The following WDR7 variants were observed in gnomAD, a reference collection of about 807,000 sequenced individuals.
The protein encoded by WDR7 is WD repeat-containing protein 7.
A neutral mutation model predicts 169.4 loss-of-function variants in WDR7; 46 were observed. That is an observed-to-expected ratio of 0.27 (90% confidence interval 0.21 to 0.35). The LOEUF is 0.35. Ranked by LOEUF, WDR7 falls within the 10% of genes least tolerant of loss-of-function variation. The pLI is 1.00. For missense variants in WDR7, 1,534 were observed against 1,859.3 expected (o/e 0.83, Z 3.22); for synonymous variants, 612 against 666.8 (o/e 0.92, Z 1.27).
At chr18:56,816,527 A>G (rs1568211921) in intron 20 of WDR7, among the ~76,000 whole-genome samples, 1 of 152,156 alleles carries the variant, frequency 6.6e-6, no homozygotes, top group Non-Finnish European at 1.5e-5. Flanking sequence ...TAATCACAAT[A>G]TATACAATAT....
intron 25 of WDR7, among the ~76,000 whole-genome samples, chr18:56,956,575 G>T (rs2047253567): frequency 6.6e-6 from 1 of 152,070 alleles, no homozygotes; most frequent in Admixed American, 6.6e-5. Context: ...GAGGTAGTTG[G>T]TTGTCACTGG....
intron 19 of WDR7, among the ~76,000 whole-genome samples, chr18:56,815,562 A>G (rs1465360822): frequency 6.6e-6 from 1 of 152,090 alleles, no homozygotes; most frequent in Non-Finnish European, 1.5e-5. Flanking sequence ...TTTTTTGGGT[A>G]GTGTGTTTCA....
intron 26 of WDR7, among the ~76,000 whole-genome samples, 179 bp downstream of exon 26, chr18:56,962,708 G>A (rs2047354793): frequency 6.6e-6 from 1 of 152,090 alleles, no homozygotes; most frequent in Non-Finnish European, 1.5e-5. Flanking sequence ...TCATTCACTG[G>A]GACTGAAGGG....
intron 23 of WDR7, 88 bp from the exon 24 acceptor site, chr18:56,938,445 A>T: frequency 6.8e-7 from 1 of 1,472,274 alleles, no homozygotes; most frequent in Non-Finnish European, 9.1e-7. Flanking sequence ...TTTTTTCTAT[A>T]GTATTAGAAA....
chr18:56,868,369 A>G (rs2045910289), intron 20 of WDR7, among the ~76,000 whole-genome samples: 1 of 152,178 alleles, frequency 6.6e-6, no homozygotes, highest in Non-Finnish European at 1.5e-5. Context: ...TCTCAGTTTT[A>G]TATCACTGAG....
intron 14 of WDR7, among the ~76,000 whole-genome samples, chr18:56,732,188 C>A (rs1301981981): frequency 1.3e-5 from 2 of 152,090 alleles, no homozygotes; most frequent in Admixed American, 6.6e-5. Flanking sequence ...ATTAAAAAAA[C>A]CAATCCCAAT....
intron 25 of WDR7, among the ~76,000 whole-genome samples, chr18:56,951,963 A>G (rs1446105235): frequency 6.6e-6 from 1 of 152,248 alleles, no homozygotes; most frequent in Non-Finnish European, 1.5e-5. Context: ...AACCCATTAT[A>G]TGTTAACATA....
chr18:56,937,177 C>T (rs961368894), intron 23 of WDR7, among the ~76,000 whole-genome samples: 1 of 151,968 alleles, frequency 6.6e-6, no homozygotes, highest in Admixed American at 6.6e-5. Context: ...CATTCTACTC[C>T]AGCTTTTGGC....
intron 26 of WDR7, among the ~76,000 whole-genome samples, chr18:56,995,552 A>G (rs1203921731): frequency 6.6e-6 from 1 of 152,198 alleles, no homozygotes; most frequent in Non-Finnish European, 1.5e-5. Context: ...CATGTTCATA[A>G]TCGCCTATTT....
At chr18:56,670,417 A>G (rs911766031) in intron 1 of WDR7, among the ~76,000 whole-genome samples, 1 of 152,194 alleles carries the variant, frequency 6.6e-6, no homozygotes, top group Non-Finnish European at 1.5e-5. Context: ...CCAACTAGCT[A>G]GAGAAATGGT....
intron 19 of WDR7, among the ~76,000 whole-genome samples, chr18:56,813,646 T>C (rs2044914243): frequency 6.6e-6 from 1 of 152,162 alleles, no homozygotes; most frequent in Non-Finnish European, 1.5e-5. Flanking sequence ...TATAATTCTT[T>C]TCATATGTTG....
chr18:56,908,585 A>G (rs2046511472), intron 21 of WDR7, among the ~76,000 whole-genome samples: 1 of 152,352 alleles, frequency 6.6e-6, no homozygotes, highest in Non-Finnish European at 1.5e-5. Flanking sequence ...CTGTCAAGTC[A>G]GGTCAACCTT....
chr18:56,875,257 C>T (rs2046007314), intron 20 of WDR7, among the ~76,000 whole-genome samples: 1 of 152,090 alleles, frequency 6.6e-6, no homozygotes, highest in Non-Finnish European at 1.5e-5. Flanking sequence ...GCCATATTTC[C>T]ATCTTCTCAG....
At chr18:56,942,169 G>T (rs973653244) in intron 25 of WDR7, among the ~76,000 whole-genome samples, 1 of 152,166 alleles carries the variant, frequency 6.6e-6, no homozygotes, top group African/African-American at 2.4e-5. Flanking sequence ...TAAGGACCGG[G>T]TATGGGGAGG....
At chr18:56,679,245 T>C in intron 2 of WDR7, 87 bp from the exon 3 acceptor site, 1 of 1,075,064 alleles carries the variant, frequency 9.3e-7, no homozygotes, top group Non-Finnish European at 1.4e-6. Context: ...TACCTAGTCT[T>C]CTATTTTACT....
intron 20 of WDR7, among the ~76,000 whole-genome samples, chr18:56,832,400 C>T (rs1360455078): frequency 6.6e-6 from 1 of 152,192 alleles, no homozygotes; most frequent in East Asian, 1.9e-4. Flanking sequence ...AAAGGGGCGG[C>T]TGTGGTTGCA....
At chr18:56,974,706 A>T (rs1356689551) in intron 26 of WDR7, among the ~76,000 whole-genome samples, 3 of 152,176 alleles carry the variant, frequency 2.0e-5, no homozygotes, top group Non-Finnish European at 2.9e-5. Context: ...GTCAATTAAG[A>T]GAGATTGTGT....
At chr18:56,973,087 C>T (rs2047514615) in intron 26 of WDR7, among the ~76,000 whole-genome samples, 1 of 152,160 alleles carries the variant, frequency 6.6e-6, no homozygotes, top group African/African-American at 2.4e-5. Context: ...AGGCTGGTCT[C>T]AAACTCCTGA....
intron 13 of WDR7, among the ~76,000 whole-genome samples, chr18:56,726,277 T>C (rs1457761785): frequency 2.0e-5 from 3 of 152,314 alleles, no homozygotes; most frequent in East Asian, 1.9e-4. Context: ...ATTCTTCCTA[T>C]CTATGAGCAT....
Sources: gnomAD v4.1 joint callset for allele counts (sites outside exome capture counted in the v4.1 genomes callset) on GRCh38, gnomAD v4.1.1 for gene constraint, MANE v1.5 for transcripts, NCBI Gene and HGNC (gene_info 2026-07-23, HGNC 2026-07-21) for gene names.